Variants in LRBA observed in about 807,000 individuals in gnomAD.
The protein encoded by LRBA is LPS responsive beige-like anchor protein, also known as lipopolysaccharide-responsive and beige-like anchor protein.
Under a neutral mutation model 330.0 loss-of-function variants are expected in LRBA, and 176 were observed. The observed-to-expected ratio is 0.53, with a 90% confidence interval of 0.47 to 0.60. The LOEUF (loss-of-function observed/expected upper bound fraction) is 0.60. Among genes scored for constraint, LRBA ranks in the 20% least tolerant of loss-of-function variants. The pLI is 0.00. For synonymous variants in LRBA, 1,230 were observed against 1,193.0 expected, an observed-to-expected ratio of 1.03 and a Z score of -0.64; for missense variants, 3,259 against 3,444.8, an observed-to-expected ratio of 0.95 and a Z score of 1.35.
chr4:150,343,911 C>T (rs1039986478), intron 48 of LRBA, among the ~76,000 whole-genome samples: 1 of 152,134 alleles, frequency 6.6e-6, no homozygotes, highest in Non-Finnish European at 1.5e-5. Flanking sequence ...GCCTTTCCAC[C>T]TCATTCATAC....
intron 37 of LRBA, among the ~76,000 whole-genome samples, chr4:150,634,455 T>C (rs1307108279): frequency 6.6e-6 from 1 of 152,146 alleles, no homozygotes; most frequent in Non-Finnish European, 1.5e-5. Context: ...TAAAAGCCAA[T>C]TAAATTTTTT....
chr4:150,857,808 T>C (rs2126943687), intron 22 of LRBA, among the ~76,000 whole-genome samples: 1 of 152,322 alleles, frequency 6.6e-6, no homozygotes, highest in African/African-American at 2.4e-5. Flanking sequence ...CACTCCTTCC[T>C]AGAATTTTAA....
intron 2 of LRBA, among the ~76,000 whole-genome samples, chr4:150,947,871 G>A (rs1736405053): frequency 6.6e-6 from 1 of 151,914 alleles, no homozygotes; most frequent in South Asian, 2.1e-4. Context: ...GGAACATGTG[G>A]GCAATGACAT....
At chr4:150,526,838 A>G (rs1763529035) in intron 40 of LRBA, among the ~76,000 whole-genome samples, 1 of 152,146 alleles carries the variant, frequency 6.6e-6, no homozygotes, top group Non-Finnish European at 1.5e-5. Flanking sequence ...GTATAACAAA[A>G]TAAACAATTT....
intron 44 of LRBA, among the ~76,000 whole-genome samples, chr4:150,440,851 C>A (rs1051829050): frequency 1.3e-5 from 2 of 151,818 alleles, no homozygotes; most frequent in Non-Finnish European, 2.9e-5. Context: ...GTATGAATAG[C>A]CAAAAATCAC....
intron 47 of LRBA, among the ~76,000 whole-genome samples, chr4:150,402,651 A>C (rs1416824563): frequency 6.6e-6 from 1 of 152,016 alleles, no homozygotes; most frequent in African/African-American, 2.4e-5. Flanking sequence ...GGAGAGAAAA[A>C]ATGGCCTATT....
At chr4:150,402,661 TTTTG>T (rs1409941470) in intron 47 of LRBA, among the ~76,000 whole-genome samples, 1 of 152,078 alleles carries the variant, frequency 6.6e-6, no homozygotes, top group Non-Finnish European at 1.5e-5. Context: ...AATGGCCTAT[TTTTG>T]TTTATTTATA....
chr4:151,002,524 C>T (rs903243217), intron 2 of LRBA, among the ~76,000 whole-genome samples: 1 of 147,868 alleles, frequency 6.8e-6, no homozygotes, highest in African/African-American at 2.5e-5. Context: ...GAGACTGTGC[C>T]ATCACACTCC....
At chr4:150,355,071 AATT>A (rs1390188358) in intron 47 of LRBA, among the ~76,000 whole-genome samples, 1 of 151,928 alleles carries the variant, frequency 6.6e-6, no homozygotes, top group South Asian at 2.1e-4. Context: ...TGTTATATAA[AATT>A]ATTATTTTCT....
intron 37 of LRBA, among the ~76,000 whole-genome samples, chr4:150,636,783 C>T (rs548414301): frequency 2.0e-5 from 3 of 152,156 alleles, no homozygotes; most frequent in South Asian, 4.2e-4. Flanking sequence ...AAGTAATTGG[C>T]ACCACAGACA....
intron 40 of LRBA, among the ~76,000 whole-genome samples, chr4:150,505,840 T>C (rs1393208505): frequency 6.6e-6 from 1 of 151,114 alleles, no homozygotes; most frequent in Non-Finnish European, 1.5e-5. Context: ...CTAGCAAGAA[T>C]AACAAGAAAA....
chr4:150,669,924 G>A (rs1202582980), intron 37 of LRBA, among the ~76,000 whole-genome samples: 2 of 152,160 alleles, frequency 1.3e-5, no homozygotes, highest in Non-Finnish European at 2.9e-5. Flanking sequence ...CCATGGAAGT[G>A]CTCTTGTGCA....
At chr4:150,783,619 C>T (rs1489114076) in intron 34 of LRBA, among the ~76,000 whole-genome samples, 1 of 152,150 alleles carries the variant, frequency 6.6e-6, no homozygotes, top group Admixed American at 6.5e-5. Flanking sequence ...AAAAAGAATG[C>T]ACTGTGTTGT....
chr4:150,840,810 T>C (rs1748959558), intron 28 of LRBA: 2 of 558,598 alleles, frequency 3.6e-6, no homozygotes, highest in Non-Finnish European at 4.8e-6. Flanking sequence ...AATCCAGTAA[T>C]CGGCAACATG....
chr4:150,378,321 G>C (rs1390730221), intron 47 of LRBA, among the ~76,000 whole-genome samples: 1 of 152,060 alleles, frequency 6.6e-6, no homozygotes, highest in African/African-American at 2.4e-5. Context: ...TCTCTAAAAG[G>C]TACACAATAA....
At chr4:150,475,485 A>G (rs760067115) in intron 42 of LRBA, among the ~76,000 whole-genome samples, 2 of 152,130 alleles carry the variant, frequency 1.3e-5, no homozygotes, top group Non-Finnish European at 2.9e-5. Context: ...CAAATTTCCA[A>G]TTTCTTTTTG....
At chr4:150,672,971 C>T (rs746270148) in intron 37 of LRBA, among the ~76,000 whole-genome samples, 20 of 152,140 alleles carry the variant, frequency 1.3e-4, no homozygotes, top group Non-Finnish European at 2.4e-4. Context: ...CTTGGAATGA[C>T]GAACAAATGA....
intron 28 of LRBA, among the ~76,000 whole-genome samples, chr4:150,835,478 C>T (rs558988688): frequency 2.6e-3 from 402 of 152,236 alleles, no homozygotes; most frequent in Admixed American, 5.4e-3. Context: ...TCTTTTATTT[C>T]GCTGAGCAGT....
At position 150,583,596 on chromosome 4, in the gene LRBA, G is replaced by T; in HGVS notation, c.6330+4452C>A. The T allele has an allele frequency of 6.2e-7, 1 of 1,613,986 alleles. No homozygotes were observed. Among genetic ancestry groups the T allele is most frequent in the Non-Finnish European group, 8.5e-7 (1 of 1,180,004 alleles). ...CTCGCAGCGCGGCACAGTGGCCTAT[G>T]CCCCACATCCCTTGGCCCGGCCCCA... On this transcript the variant is annotated intron_variant, in intron 40 of 56. Coordinates refer to ENST00000651943, the MANE Select transcript of LRBA (RefSeq NM_001364905.1). The surrounding 1 kb of genome is among the most constrained non-coding windows in gnomAD (Gnocchi z 9.8).
Sources: gnomAD v4.1 joint callset for allele counts (sites outside exome capture counted in the v4.1 genomes callset) on GRCh38, gnomAD v4.1.1 for gene constraint, Gnocchi (gnomAD v3.1) non-coding constraint, MANE v1.5 for transcripts, NCBI Gene and HGNC (gene_info 2026-07-23, HGNC 2026-07-21) for gene names.